The following PPP2R2C variants were observed in gnomAD, a reference collection of about 807,000 sequenced individuals.
PPP2R2C encodes protein phosphatase 2 regulatory subunit Bgamma, also known as protein phosphatase 2, regulatory subunit B, gamma.
In PPP2R2C, 10 loss-of-function variants were observed where a neutral mutation model predicts 45.3. That is an observed-to-expected ratio of 0.22 (90% CI 0.14 to 0.37). PPP2R2C has a LOEUF of 0.37. PPP2R2C is among the 10% of genes least tolerant of loss of function. PPP2R2C has a pLI of 1.00. For missense variants in PPP2R2C, 308 were observed against 619.7 expected (o/e 0.50, Z 5.34); for synonymous variants, 257 against 245.4 (o/e 1.05, Z -0.44).
intron 1 of PPP2R2C, among the ~76,000 whole-genome samples, chr4:6,424,959 A>C (rs530509172): frequency 6.6e-6 from 1 of 152,200 alleles, no homozygotes; most frequent in East Asian, 1.9e-4. Flanking sequence ...TCACTTTCCT[A>C]CTCTGTAAAA....
Position 6,322,663 on chromosome 4 carries a change from G to C in PPP2R2C, c.*639C>G, listed in dbSNP as rs1198299322. ...CTCTCGGGAAACCGCACCAGACCTG[G>C]GACCTGGGATGTTTCAAGACATTCA... On this transcript the variant is annotated 3_prime_UTR_variant, in exon 9 of 9. Coordinates refer to ENST00000382599, the MANE Select transcript of PPP2R2C (RefSeq NM_020416.4). This position sits in a 1 kb window ranked among gnomAD's most constrained non-coding sequence, Gnocchi z 7.8. 6.6e-6 allele frequency: 1 copy of C among 152,236 alleles called. No homozygotes were observed. The highest frequency in any genetic ancestry group is 6.5e-5 in the Admixed American group (1 of 15,284). The allele number at this position is 152,236 out of a possible 1,614,324, so 9.4% of individuals were successfully genotyped here.
chr4:6,540,588 C>T (rs187802667), intron 1 of PPP2R2C, among the ~76,000 whole-genome samples: 26 of 152,334 alleles, frequency 1.7e-4, no homozygotes, highest in Non-Finnish European at 3.4e-4. Context: ...TTGGTAGATG[C>T]CTAGGAGTAG....
chr4:6,455,661 C>T (rs1023766540), intron 1 of PPP2R2C, among the ~76,000 whole-genome samples: 1 of 152,182 alleles, frequency 6.6e-6, no homozygotes, highest in Non-Finnish European at 1.5e-5. Flanking sequence ...CTCTCCTTTC[C>T]AAACTCCCAG....
intron 1 of PPP2R2C, among the ~76,000 whole-genome samples, chr4:6,540,518 T>C (rs904108304): frequency 2.0e-5 from 3 of 152,290 alleles, no homozygotes; most frequent in Non-Finnish European, 4.4e-5. Flanking sequence ...CTACTATGAA[T>C]AGTGCCACTA....
At chr4:6,501,467 G>T (rs1723052017) in intron 2 of PPP2R2C, among the ~76,000 whole-genome samples, 1 of 152,222 alleles carries the variant, frequency 6.6e-6, no homozygotes, top group South Asian at 2.1e-4. Flanking sequence ...GATTGACTGG[G>T]ATGGGTCAGC....
rs2109139764 is a variant in PPP2R2C at position 6,321,406 on chromosome 4, T to C, written c.*1896A>G. Reference sequence around the variant, plus strand: ...CAATCCTTTGATTGTTAAATTTAATTAGAATAGATATGTACATATAATACT... The same window carrying C: ...CAATCCTTTGATTGTTAAATTTAATCAGAATAGATATGTACATATAATACT... On this transcript the variant is annotated 3_prime_UTR_variant, in exon 9 of 9. Coordinates refer to ENST00000382599, the MANE Select transcript of PPP2R2C (RefSeq NM_020416.4). The C allele has an allele frequency of 1.3e-5, 2 of 152,712 alleles. No individual in the cohort carries two copies. The highest frequency in any genetic ancestry group is 6.8e-3 in the Middle Eastern group (2 of 294). The allele number at this position is 152,712 out of a possible 1,614,324, so 9.5% of individuals were successfully genotyped here. A position where few individuals can be genotyped will look rare whatever the true frequency, so the allele number is the denominator to read the frequency against.
chr4:6,423,924 G>A (rs1719128282), intron 1 of PPP2R2C, among the ~76,000 whole-genome samples: 1 of 152,000 alleles, frequency 6.6e-6, no homozygotes, highest in Non-Finnish European at 1.5e-5. Flanking sequence ...TTAGGGTTAG[G>A]GTTAGTGTTA....
intron 1 of PPP2R2C, among the ~76,000 whole-genome samples, chr4:6,425,487 G>T (rs1432949780): frequency 1.3e-5 from 2 of 152,208 alleles, no homozygotes; most frequent in Non-Finnish European, 2.9e-5. Context: ...GTCTGGGGGT[G>T]TCCCCACCAG....
At chr4:6,519,513 C>T (rs1292898283) in intron 2 of PPP2R2C, among the ~76,000 whole-genome samples, 1 of 152,226 alleles carries the variant, frequency 6.6e-6, no homozygotes, top group Non-Finnish European at 1.5e-5. Context: ...GCCACACAGG[C>T]CTCTGGGCCA....
intron 2 of PPP2R2C, among the ~76,000 whole-genome samples, chr4:6,496,899 A>AAATAAATAAAGT (rs1553904306): frequency 6.6e-6 from 1 of 151,668 alleles, no homozygotes; most frequent in Non-Finnish European, 1.5e-5. Context: ...ATAAATAAAT[A>AAATAAATAAAGT]AAGTCTGTGA....
At chr4:6,459,419 C>T (rs1157341210) in intron 1 of PPP2R2C, among the ~76,000 whole-genome samples, 1 of 152,146 alleles carries the variant, frequency 6.6e-6, no homozygotes, top group Admixed American at 6.5e-5. Flanking sequence ...TGGTTCTTCT[C>T]ATGATTGTGG....
At chr4:6,421,181 G>C (rs1478839667) in intron 1 of PPP2R2C, 4 of 961,472 alleles carry the variant, frequency 4.2e-6, no homozygotes, top group Non-Finnish European at 5.0e-6. Context: ...ATGACCAGTG[G>C]GGGCCAATCA....
At chr4:6,433,991 C>T (rs1577179860) in intron 1 of PPP2R2C, among the ~76,000 whole-genome samples, 2 of 152,348 alleles carry the variant, frequency 1.3e-5, no homozygotes, top group African/African-American at 2.4e-5. Context: ...GCCCTTCTCC[C>T]ACTCACTCAG....
At chr4:6,375,701 A>AGCAGCCC in intron 4 of PPP2R2C, 118 bp downstream of exon 4, 1 of 849,838 alleles carries the variant, frequency 1.2e-6, no homozygotes, top group Non-Finnish European at 1.9e-6. Flanking sequence ...CCCAGCAGCC[A>AGCAGCCC]GCAGCCCAAC....
chr4:6,540,239 T>A (rs1724765941), intron 1 of PPP2R2C, among the ~76,000 whole-genome samples: 1 of 152,226 alleles, frequency 6.6e-6, no homozygotes, highest in South Asian at 2.1e-4. Flanking sequence ...CCCTAGCCCC[T>A]GGTAACCACT....
intron 1 of PPP2R2C, among the ~76,000 whole-genome samples, chr4:6,403,571 C>T (rs746927669): frequency 1.5e-4 from 23 of 152,144 alleles, no homozygotes; most frequent in Admixed American, 9.2e-4. Flanking sequence ...GAGCTTGGAA[C>T]CTTTCCACTG....
chr4:6,542,457 G>T (rs1724829840), intron 1 of PPP2R2C, among the ~76,000 whole-genome samples: 1 of 152,188 alleles, frequency 6.6e-6, no homozygotes. Flanking sequence ...ACTGTGGGAG[G>T]CCAAAGTGGG....
intron 1 of PPP2R2C, among the ~76,000 whole-genome samples, chr4:6,448,325 C>G (rs540614848): frequency 5.3e-5 from 8 of 152,168 alleles, no homozygotes; most frequent in African/African-American, 1.7e-4. Context: ...TTTGAGAGGC[C>G]AAGGCAGGTG....
intron 1 of PPP2R2C, among the ~76,000 whole-genome samples, chr4:6,454,385 GGAAGGGCCAAGCAGC>G (rs1188685059): frequency 1.3e-5 from 2 of 152,218 alleles, no homozygotes; most frequent in Admixed American, 6.5e-5. Flanking sequence ...CCAGGGGTCA[GGAAGGGCCAAGCAGC>G]TTCCACCTGG....
Sources: gnomAD v4.1 joint callset for allele counts (sites outside exome capture counted in the v4.1 genomes callset) on GRCh38, gnomAD v4.1.1 for gene constraint, Gnocchi (gnomAD v3.1) non-coding constraint, MANE v1.5 for transcripts, NCBI Gene and HGNC (gene_info 2026-07-23, HGNC 2026-07-21) for gene names.